RASAL2: variants seen among roughly 807,000 people sequenced by gnomAD.
RASAL2 encodes the protein ras GTPase-activating protein nGAP.
RASAL2 carries 58 observed loss-of-function variants against 128.9 expected under a neutral mutation model. The ratio of observed to expected loss-of-function variants is 0.45; its 90% CI spans 0.36 to 0.56. The LOEUF (loss-of-function observed/expected upper bound fraction) is 0.56, where lower values mean the gene tolerates loss of function less well. Ranked by LOEUF, RASAL2 falls within the 20% of genes least tolerant of loss-of-function variation. The pLI, the probability that RASAL2 is intolerant of heterozygous loss-of-function variation, is 0.00. For synonymous variants in RASAL2, 561 were observed against 580.8 expected (o/e 0.97, Z 0.49); for missense variants, 1,360 against 1,601.6 (o/e 0.85, Z 2.57).
intron 3 of RASAL2, among the ~76,000 whole-genome samples, chr1:178,364,635 T>A (rs1671306845): frequency 6.6e-6 from 1 of 152,224 alleles, no homozygotes; most frequent in African/African-American, 2.4e-5. Context: ...ATTTTCAGTT[T>A]ACTTACAGAG....
intron 3 of RASAL2, among the ~76,000 whole-genome samples, chr1:178,328,327 A>T (rs1049932120): frequency 1.3e-5 from 2 of 152,118 alleles, no homozygotes; most frequent in African/African-American, 4.8e-5. Flanking sequence ...AGATATTTTG[A>T]TACAGGCATA....
At chr1:178,445,702 T>C (rs1217967977) in intron 9 of RASAL2, 40 bp downstream of exon 9, 1 of 1,567,640 alleles carries the variant, frequency 6.4e-7, no homozygotes, top group Non-Finnish European at 8.6e-7. Flanking sequence ...TTATTTACTT[T>C]TCAGTTTTAA....
chr1:178,144,244 A>AAG, intron 1 of RASAL2, among the ~76,000 whole-genome samples: 1 of 152,256 alleles, frequency 6.6e-6, no homozygotes, highest in East Asian at 1.9e-4. Context: ...CTCTCTTCTC[A>AAG]GCTTCTCTGA....
intron 4 of RASAL2, among the ~76,000 whole-genome samples, chr1:178,410,073 T>C (rs1051129892): frequency 2.0e-5 from 3 of 152,066 alleles, no homozygotes; most frequent in African/African-American, 7.2e-5. Flanking sequence ...GATGATTAGC[T>C]GTGGAATCTA....
intron 4 of RASAL2, among the ~76,000 whole-genome samples, chr1:178,405,272 A>T (rs1282653620): frequency 6.6e-6 from 1 of 152,216 alleles, no homozygotes. Context: ...TTGTTTTTTA[A>T]TTGCAAAATA....
At chr1:178,149,702 T>G (rs1021096317) in intron 1 of RASAL2, among the ~76,000 whole-genome samples, 2 of 152,124 alleles carry the variant, frequency 1.3e-5, no homozygotes, top group African/African-American at 2.4e-5. Context: ...TAAATATGTT[T>G]CCTATCATCT....
At chr1:178,204,615 C>T (rs776116267) in intron 1 of RASAL2, among the ~76,000 whole-genome samples, 5 of 152,058 alleles carry the variant, frequency 3.3e-5, no homozygotes, top group Non-Finnish European at 5.9e-5. Flanking sequence ...GGTTCGTAAG[C>T]CAAATATTGA....
chr1:178,149,992 A>T (rs561823389), intron 1 of RASAL2, among the ~76,000 whole-genome samples: 3 of 152,226 alleles, frequency 2.0e-5, no homozygotes, highest in Non-Finnish European at 4.4e-5. Flanking sequence ...AGATGGTTCA[A>T]CTTCTACTTT....
At chr1:178,433,778 T>C (rs1676079796) in intron 5 of RASAL2, among the ~76,000 whole-genome samples, 1 of 151,926 alleles carries the variant, frequency 6.6e-6, no homozygotes, top group South Asian at 2.1e-4. Flanking sequence ...CTGGGAGTGG[T>C]TGGTGGTACA....
rs552212761 is a variant in RASAL2 at position 178,458,465 on chromosome 1, G to A, written c.3173G>A (p.Arg1058Gln). Residue 1058 changes from arginine (R) to glutamine (Q), a missense_variant, in exon 14 of 18, where the codon CGG becomes CAG. Transcript: ENST00000367649. Reference sequence around the variant, plus strand: ...GCCGAACCTGTGCAGAATGGGAGCCGGTCCCGGCAGCAGTCCTCTTCCTCC... The same window carrying A: ...GCCGAACCTGTGCAGAATGGGAGCCAGTCCCGGCAGCAGTCCTCTTCCTCC... ...LVAEPVQNGS[R>Q]SRQQSSSSRE... The A allele has an allele frequency of 1.2e-5, 20 of 1,614,112 alleles. No individual in the cohort carries two copies. The highest frequency in any genetic ancestry group is 6.7e-5 in the African/African-American group (5 of 75,024).
chr1:178,105,977 C>T (rs963259668), intron 1 of RASAL2, among the ~76,000 whole-genome samples: 18 of 152,052 alleles, frequency 1.2e-4, no homozygotes, highest in South Asian at 2.1e-4. Flanking sequence ...TACCCAGCCA[C>T]GTTTTCTTTT....
intron 3 of RASAL2, among the ~76,000 whole-genome samples, chr1:178,385,547 T>TA (rs566993031): frequency 0.011 from 1,553 of 146,320 alleles, 17 homozygotes; most frequent in African/African-American, 0.031. Context: ...ATTTTAGAGT[T>TA]AAAAAAAAAA....
intron 1 of RASAL2, among the ~76,000 whole-genome samples, chr1:178,237,411 G>A (rs1194340181): frequency 6.6e-6 from 1 of 152,162 alleles, no homozygotes; most frequent in Non-Finnish European, 1.5e-5. Context: ...TGAAGCCACA[G>A]GAGTGGGTGA....
intron 1 of RASAL2, among the ~76,000 whole-genome samples, chr1:178,262,972 A>C (rs1665770851): frequency 6.6e-6 from 1 of 152,032 alleles, no homozygotes. Flanking sequence ...TCCTTTGTAA[A>C]GTTTGTATTA....
At chr1:178,202,078 A>T (rs1270236605) in intron 1 of RASAL2, among the ~76,000 whole-genome samples, 1 of 152,176 alleles carries the variant, frequency 6.6e-6, no homozygotes. Context: ...ACTGGCTCTG[A>T]GCTGACGTTG....
At chr1:178,379,437 G>A (rs1287111171) in intron 3 of RASAL2, among the ~76,000 whole-genome samples, 1 of 151,840 alleles carries the variant, frequency 6.6e-6, no homozygotes, top group East Asian at 1.9e-4. Context: ...GGGAAGAAAG[G>A]AAGAGAGAAG....
chr1:178,250,050 GAAGA>G (rs1664968574), intron 1 of RASAL2, among the ~76,000 whole-genome samples: 1 of 152,282 alleles, frequency 6.6e-6, no homozygotes, highest in African/African-American at 2.4e-5. Flanking sequence ...GGACCCACTT[GAAGA>G]GGCAGTCTGT....
intron 3 of RASAL2, among the ~76,000 whole-genome samples, chr1:178,304,287 G>A (rs1667893340): frequency 6.6e-6 from 1 of 152,242 alleles, no homozygotes; most frequent in African/African-American, 2.4e-5. Flanking sequence ...ACTTTGGGAG[G>A]CTGAAGCTGG....
intron 1 of RASAL2, among the ~76,000 whole-genome samples, chr1:178,096,809 T>A (rs1371472907): frequency 1.3e-5 from 2 of 152,156 alleles, no homozygotes; most frequent in Admixed American, 1.3e-4. Flanking sequence ...CTTTCCTTCC[T>A]CTGAGGCAGC....
Sources: gnomAD v4.1 joint callset for allele counts (sites outside exome capture counted in the v4.1 genomes callset) on GRCh38, gnomAD v4.1.1 for gene constraint, MANE v1.5 for transcripts, NCBI Gene and HGNC (gene_info 2026-07-23, HGNC 2026-07-21) for gene names.